ATRNL1: variants seen among roughly 807,000 people sequenced by gnomAD.
ATRNL1 encodes the protein attractin-like protein 1.
ATRNL1 carries 95 observed loss-of-function variants against 182.7 expected under a neutral mutation model. That is an observed-to-expected ratio of 0.52 (90% CI 0.44 to 0.62). ATRNL1 has a LOEUF of 0.62. ATRNL1 is among the 20% of genes least tolerant of loss of function. The pLI, the probability that ATRNL1 is intolerant of heterozygous loss-of-function variation, is 0.00. For synonymous variants in ATRNL1, 576 were observed against 568.3 expected (o/e 1.01, Z -0.19); for missense variants, 1,471 against 1,679.5 (o/e 0.88, Z 2.17).
At chr10:115,927,668 A>G (rs1045081260) in intron 28 of ATRNL1, among the ~76,000 whole-genome samples, 1 of 152,124 alleles carries the variant, frequency 6.6e-6, no homozygotes, top group African/African-American at 2.4e-5. Flanking sequence ...TTACTGTTAA[A>G]TGCTTCTTTA....
intron 27 of ATRNL1, among the ~76,000 whole-genome samples, chr10:115,790,091 A>G (rs572690836): frequency 6.6e-6 from 1 of 152,002 alleles, no homozygotes; most frequent in East Asian, 1.9e-4. Context: ...TTTTTTTCAG[A>G]CACATTTTCT....
chr10:115,100,481 G>A (rs1267869547), intron 1 of ATRNL1, among the ~76,000 whole-genome samples: 1 of 151,924 alleles, frequency 6.6e-6, no homozygotes, highest in African/African-American at 2.4e-5. Context: ...TGGCATATAG[G>A]TATTTGTTTT....
chr10:115,923,757 T>C (rs1953137116), intron 28 of ATRNL1, among the ~76,000 whole-genome samples: 1 of 152,232 alleles, frequency 6.6e-6, no homozygotes, highest in South Asian at 2.1e-4. Context: ...TATATTACTT[T>C]GGGTATATAC....
intron 27 of ATRNL1, among the ~76,000 whole-genome samples, chr10:115,784,431 A>G (rs1159721502): frequency 6.6e-6 from 1 of 152,240 alleles, no homozygotes; most frequent in Admixed American, 6.5e-5. Context: ...AGATTTTCAC[A>G]GGAGCTGGTC....
chr10:115,318,304 A>T (rs1426920876), intron 18 of ATRNL1, among the ~76,000 whole-genome samples: 2 of 152,164 alleles, frequency 1.3e-5, no homozygotes, highest in Non-Finnish European at 2.9e-5. Context: ...TATTTTATTG[A>T]GGATTTTCAC....
intron 1 of ATRNL1, among the ~76,000 whole-genome samples, chr10:115,107,213 A>G (rs1844049906): frequency 6.6e-6 from 1 of 152,170 alleles, no homozygotes; most frequent in Non-Finnish European, 1.5e-5. Flanking sequence ...GACTCAAGGC[A>G]CAATTCATCC....
At chr10:115,257,284 A>C (rs1804027934) in intron 10 of ATRNL1, among the ~76,000 whole-genome samples, 1 of 152,168 alleles carries the variant, frequency 6.6e-6, no homozygotes, top group South Asian at 2.1e-4. Context: ...TAGGTCTCCA[A>C]GGGCTTGCTT....
intron 26 of ATRNL1, among the ~76,000 whole-genome samples, chr10:115,646,561 A>G (rs145202406): frequency 5.2e-4 from 79 of 152,184 alleles, no homozygotes; most frequent in East Asian, 4.7e-3. Context: ...GCAACAGGAA[A>G]TAGTAATCAT....
chr10:115,597,087 ATAGTC>A (rs1201557658), intron 26 of ATRNL1, among the ~76,000 whole-genome samples: 7 of 152,168 alleles, frequency 4.6e-5, no homozygotes, highest in African/African-American at 1.7e-4. Context: ...TCTAGTTTAA[ATAGTC>A]TAGTAAAACA....
intron 26 of ATRNL1, among the ~76,000 whole-genome samples, chr10:115,557,887 A>C (rs1345393857): frequency 6.6e-6 from 1 of 152,042 alleles, no homozygotes; most frequent in Non-Finnish European, 1.5e-5. Flanking sequence ...TCTGCTAAAA[A>C]TACAAGAATT....
At chr10:115,371,755 A>G (rs1161928283) in intron 19 of ATRNL1, among the ~76,000 whole-genome samples, 1 of 152,006 alleles carries the variant, frequency 6.6e-6, no homozygotes, top group Non-Finnish European at 1.5e-5. Context: ...GACTTGGGGG[A>G]ATGTTGGGAA....
At chr10:115,154,351 C>T (rs996154445) in intron 5 of ATRNL1, among the ~76,000 whole-genome samples, 6 of 152,176 alleles carry the variant, frequency 3.9e-5, no homozygotes, top group Middle Eastern at 3.4e-3. Flanking sequence ...GTCTAAGTCT[C>T]TTTGTAAGTC....
At chr10:115,573,736 A>T (rs1854542366) in intron 26 of ATRNL1, among the ~76,000 whole-genome samples, 1 of 152,144 alleles carries the variant, frequency 6.6e-6, no homozygotes, top group African/African-American at 2.4e-5. Context: ...GATGGTTAGA[A>T]TAGCCTTCAC....
chr10:115,142,465 A>G (rs1425743566), intron 5 of ATRNL1, among the ~76,000 whole-genome samples: 1 of 152,106 alleles, frequency 6.6e-6, no homozygotes, highest in African/African-American at 2.4e-5. Flanking sequence ...ATGGTTGGGG[A>G]TGTGGAATTA....
intron 10 of ATRNL1, among the ~76,000 whole-genome samples, chr10:115,262,870 G>A (rs1554909168): frequency 6.6e-6 from 1 of 151,962 alleles, no homozygotes; most frequent in Non-Finnish European, 1.5e-5. Context: ...ACTACATGTT[G>A]TAGAGAATAT....
At chr10:115,439,278 A>G (rs1432394452) in intron 21 of ATRNL1, among the ~76,000 whole-genome samples, 3 of 151,824 alleles carry the variant, frequency 2.0e-5, no homozygotes, top group African/African-American at 7.2e-5. Context: ...GTGGACTTGC[A>G]TAGCTCAAAC....
At chr10:115,439,227 T>A (rs114096946) in intron 21 of ATRNL1, among the ~76,000 whole-genome samples, 399 of 152,032 alleles carry the variant, frequency 2.6e-3, no homozygotes, top group African/African-American at 9.2e-3. Context: ...TTGGTCTTCC[T>A]GTCTCAGAGG....
chr10:115,148,973 T>C (rs1159228071), intron 5 of ATRNL1, among the ~76,000 whole-genome samples: 1 of 151,928 alleles, frequency 6.6e-6, no homozygotes, highest in Non-Finnish European at 1.5e-5. Flanking sequence ...TGACCTCAGG[T>C]GATCCACCTG....
chr10:115,179,915 T>G (rs2144151464), intron 8 of ATRNL1, among the ~76,000 whole-genome samples: 1 of 152,280 alleles, frequency 6.6e-6, no homozygotes, highest in East Asian at 1.9e-4. Flanking sequence ...TGTTCCAGTT[T>G]TTTAATAAGC....
Sources: gnomAD v4.1 joint callset for allele counts (sites outside exome capture counted in the v4.1 genomes callset) on GRCh38, gnomAD v4.1.1 for gene constraint, MANE v1.5 for transcripts, NCBI Gene and HGNC (gene_info 2026-07-23, HGNC 2026-07-21) for gene names.